The following FCRL4 variants were observed in gnomAD, a reference collection of about 807,000 sequenced individuals.
The protein encoded by FCRL4 is Fc receptor like 4.
FCRL4 carries 43 observed loss-of-function variants against 64.1 expected under a neutral mutation model. The observed-to-expected ratio is 0.67, with a 90% confidence interval of 0.53 to 0.87. FCRL4 has a LOEUF of 0.87. Among genes scored for constraint, FCRL4 ranks in the 40% least tolerant of loss-of-function variants. The pLI, the probability that FCRL4 is intolerant of heterozygous loss-of-function variation, is 0.00. For missense variants in FCRL4, 656 were observed against 613.5 expected (o/e 1.07, Z -0.73); for synonymous variants, 253 against 239.8 (o/e 1.05, Z -0.51).
intron 3 of FCRL4, among the ~76,000 whole-genome samples, chr1:157,588,450 A>G (rs1652759195): frequency 6.6e-6 from 1 of 152,214 alleles, no homozygotes; most frequent in African/African-American, 2.4e-5. Context: ...CGAGTCTCAG[A>G]GCAGGAGCTA....
Position 157,586,409 on chromosome 1 carries a change from GC to G in FCRL4, c.893del (p.Gly298AlafsTer43). 1.2e-6 allele frequency: 2 copies of G among 1,612,454 alleles called. No homozygotes were observed. Among genetic ancestry groups the G allele is most frequent in the Non-Finnish European group, 8.5e-7 (1 of 1,179,958 alleles). The part of the protein sequence containing the change: ...GVLLETQPSG[G>X]QAVEGEMLVL... ...CCAGCATCTCCCCTTCAACAGCCTG[GC>G]CCCCTGAGGGCTGGGTCTCCAGGAG... On this transcript the variant is annotated frameshift_variant, in exon 6 of 12. Coordinates refer to ENST00000271532, the MANE Select transcript of FCRL4 (RefSeq NM_031282.3). LOFTEE classifies it high-confidence loss of function.
At chr1:157,578,727 C>G (rs368933513) in intron 9 of FCRL4, 43 bp downstream of exon 9, 1 of 1,593,512 alleles carries the variant, frequency 6.3e-7, no homozygotes, top group Admixed American at 1.7e-5. Context: ...ATTATCTTTC[C>G]ATGGCTGAGG....
Position 157,575,045 on chromosome 1 carries a change from T to C in FCRL4, c.*479A>G. 4.1e-6 allele frequency: 1 copy of C among 241,878 alleles called. No homozygotes were observed. The allele number at this position is 241,878 out of a possible 1,614,324, so 15.0% of individuals were successfully genotyped here. A position where few individuals can be genotyped will look rare whatever the true frequency, so the allele number is the denominator to read the frequency against. Reference sequence around the variant, plus strand: ...AGAAGTGAAGGGGCTTTTCATTGTTTGCACAGTGCCTGTGCAGCCACTCAC... The same window carrying C: ...AGAAGTGAAGGGGCTTTTCATTGTTCGCACAGTGCCTGTGCAGCCACTCAC... On this transcript the variant is annotated 3_prime_UTR_variant, in exon 12 of 12. Transcript: ENST00000271532.
At position 157,584,584 on chromosome 1, in the gene FCRL4, T is replaced by C. The variant is rs572398800; in HGVS notation, c.1135+1584A>G. Among the ~76,000 whole-genome samples, 11 of 152,110 alleles carry C rather than the reference T, an allele frequency of 7.2e-5. No individual in the cohort carries two copies. In the East Asian group the frequency reaches 2.1e-3, roughly 29 times the overall value. Reference sequence around the variant, plus strand: ...ATGACATTAGCTCAGTCTCAGTCCTTCTCTGCTGGGAATTACACCCAGTGA... The same window carrying C: ...ATGACATTAGCTCAGTCTCAGTCCTCCTCTGCTGGGAATTACACCCAGTGA... On this transcript the variant is annotated intron_variant, in intron 6 of 11. Transcript: ENST00000271532.
At chr1:157,593,793 T>C (rs1398386975) in intron 2 of FCRL4, among the ~76,000 whole-genome samples, 1 of 152,238 alleles carries the variant, frequency 6.6e-6, no homozygotes, top group Non-Finnish European at 1.5e-5. Flanking sequence ...TTAATCTGAA[T>C]GTTTATTTTC....
chr1:157,583,257 G>A (rs1404372318), intron 6 of FCRL4, among the ~76,000 whole-genome samples: 1 of 152,116 alleles, frequency 6.6e-6, no homozygotes, highest in Non-Finnish European at 1.5e-5. Flanking sequence ...CATATTTTGT[G>A]GTCCTGACAC....
In FCRL4 at chr1:157,597,102, G is replaced by A. The variant is rs1030374233; in HGVS notation, c.32-754C>T. On this transcript the variant is annotated intron_variant, in intron 1 of 11. Transcript: ENST00000271532. ...GAGTCAGATGTTCTTGCATGTGTAC[G>A]TTGAGGTTCTATTGAGAATGTCACC... is the stretch of plus-strand genomic sequence containing the variant. Among the ~76,000 whole-genome samples the A allele has an allele frequency of 3.9e-5, 6 of 152,088 alleles. No individual in the cohort carries two copies. The South Asian group carries it at 6.2e-4, about 16-fold the overall frequency.
intron 1 of FCRL4, 60 bp from the exon 2 acceptor site, chr1:157,596,408 TG>T: frequency 6.3e-7 from 1 of 1,589,270 alleles, no homozygotes; most frequent in Non-Finnish European, 8.6e-7. Flanking sequence ...CTATTCACCC[TG>T]AGAGCCCATA....
In FCRL4 at chr1:157,575,134, G is replaced by A. The variant is rs1281270259; in HGVS notation, c.*390C>T. The A allele has an allele frequency of 6.1e-6, 2 of 330,230 alleles. No homozygotes were observed. Among genetic ancestry groups the A allele is most frequent in the African/African-American group, 4.2e-5 (2 of 48,112 alleles). 20.5% of individuals were successfully genotyped at this position (330,230 alleles called of 1,614,324 possible). A position where few individuals can be genotyped will look rare whatever the true frequency, so the allele number is the denominator to read the frequency against. ...AATGGTTGTAGATGTATTAAGCAGA[G>A]ATCCAGGTCACCCAGTCTTTTTCAT... On this transcript the variant is annotated 3_prime_UTR_variant, in exon 12 of 12. Coordinates refer to ENST00000271532, the MANE Select transcript of FCRL4 (RefSeq NM_031282.3).
chr1:157,595,098 C>T (rs1652931538), intron 2 of FCRL4, among the ~76,000 whole-genome samples: 1 of 152,132 alleles, frequency 6.6e-6, no homozygotes, highest in African/African-American at 2.4e-5. Context: ...TGAGGTTTCA[C>T]CATGTTGTCC....
chr1:157,581,024 G>A (rs543547785), intron 7 of FCRL4, among the ~76,000 whole-genome samples: 1 of 152,300 alleles, frequency 6.6e-6, no homozygotes, highest in East Asian at 1.9e-4. Flanking sequence ...GGGGCCACTG[G>A]AGCACCAGAT....
intron 5 of FCRL4, 53 bp downstream of exon 5, chr1:157,587,223 G>A (rs1652720452): frequency 6.3e-7 from 1 of 1,586,740 alleles, no homozygotes; most frequent in Non-Finnish European, 8.6e-7. Flanking sequence ...CATGCCTACA[G>A]AGCCCAAGGG....
intron 6 of FCRL4, among the ~76,000 whole-genome samples, chr1:157,585,712 T>C (rs919677604): frequency 6.6e-6 from 1 of 152,152 alleles, no homozygotes; most frequent in Non-Finnish European, 1.5e-5. Context: ...GATTCTATTA[T>C]AGTAATGAAG....
chr1:157,594,736 G>A (rs1652921133), intron 2 of FCRL4, among the ~76,000 whole-genome samples: 1 of 152,096 alleles, frequency 6.6e-6, no homozygotes, highest in Non-Finnish European at 1.5e-5. Flanking sequence ...TTGCCCAGAA[G>A]AACTTCCCAA....
intron 6 of FCRL4, among the ~76,000 whole-genome samples, chr1:157,584,146 A>C (rs918171935): frequency 6.6e-6 from 1 of 152,246 alleles, no homozygotes; most frequent in Non-Finnish European, 1.5e-5. Context: ...GAACTTCCTG[A>C]GGTAAACTTT....
At chr1:157,585,868 G>C (rs1652678848) in intron 6 of FCRL4, among the ~76,000 whole-genome samples, 1 of 152,080 alleles carries the variant, frequency 6.6e-6, no homozygotes, top group South Asian at 2.1e-4. Context: ...GCCCCACCCA[G>C]AAACACTGCT....
chr1:157,586,242 G>T lies in FCRL4; in HGVS notation c.1061C>A (p.Ala354Glu), dbSNP rs749352477. The part of the protein sequence containing the change: ...LELPAIRQSH[A>E]GGYYCTADNS... ...GTCTGCTGTACAGTAGTATCCCCCT[G>T]CATGGCTCTGTCTGATGGCAGGGAG... Residue 354 changes from alanine (A) to glutamate (E), a missense_variant, in exon 6 of 12, where the codon GCA becomes GAA. Transcript: ENST00000271532. 5 of 1,614,144 alleles carry T rather than the reference G, an allele frequency of 3.1e-6. No homozygotes were observed. The highest frequency in any genetic ancestry group is 1.1e-5 in the South Asian group (1 of 91,082).
rs569430948 is a variant in FCRL4, at chr1:157,583,549, G to A, written c.1136-1905C>T. 6.6e-5 allele frequency among the ~76,000 whole-genome samples: 10 copies of A among 152,304 alleles called. No individual in the cohort carries two copies. The South Asian group carries it at 1.5e-3, about 22-fold the overall frequency. ...CCCTTCTAAGAAGAAACACCAGAAAGGTTGTGCTGCTCTCTCTCTCTGCCA... is the reference window on the plus strand; with the variant it reads ...CCCTTCTAAGAAGAAACACCAGAAAAGTTGTGCTGCTCTCTCTCTCTGCCA... On this transcript the variant is annotated intron_variant, in intron 6 of 11. Coordinates refer to ENST00000271532, the MANE Select transcript of FCRL4 (RefSeq NM_031282.3).
chr1:157,586,283 C>A lies in FCRL4; in HGVS notation c.1020G>T (p.Leu340=). 1.4e-5 allele frequency: 23 copies of A among 1,614,100 alleles called. No homozygotes were observed. The highest frequency in any genetic ancestry group is 1.9e-5 in the Non-Finnish European group (23 of 1,180,008). Reference sequence around the variant, plus strand: ...TGGCAGGGAGCTCCAGCTCTGCTCTCAGGGAACGCTGAGTTTTCCTCCCCA... The same window carrying A: ...TGGCAGGGAGCTCCAGCTCTGCTCTAAGGGAACGCTGAGTTTTCCTCCCCA... ...ESLGRKTQRS[L]RAELELPAIR... The change falls in exon 6 of 12, where the codon CTG becomes CTT. Residue 340 remains leucine, a synonymous_variant. Transcript: ENST00000271532.
Sources: allele counts gnomAD v4.1 joint callset (sites outside exome capture counted in the v4.1 genomes callset), GRCh38; gene constraint gnomAD v4.1.1; transcripts MANE v1.5; gene names NCBI Gene and HGNC (gene_info 2026-07-23, HGNC 2026-07-21).